COX10: variants seen among roughly 807,000 people sequenced by gnomAD.
The protein encoded by COX10 is protoheme IX farnesyltransferase, mitochondrial.
In COX10, 27 loss-of-function variants were observed where a neutral mutation model predicts 37.3. The observed-to-expected ratio is 0.72, with a 90% CI of 0.53 to 1.00. The LOEUF is 1.00. COX10 is among the 50% of genes least tolerant of loss of function. COX10 has a pLI of 0.00. For missense variants in COX10, 475 were observed against 563.2 expected (o/e 0.84, Z 1.59); for synonymous variants, 222 against 229.1 (o/e 0.97, Z 0.28).
chr17:14,117,176 C>T (rs780493909), intron 4 of COX10, among the ~76,000 whole-genome samples: 4 of 152,088 alleles, frequency 2.6e-5, no homozygotes, highest in Admixed American at 2.0e-4. Flanking sequence ...GCTTTTTTTA[C>T]GTTAAAAACA....
chr17:14,202,594 A>G (rs751114911), intron 6 of COX10, among the ~76,000 whole-genome samples: 25 of 152,162 alleles, frequency 1.6e-4, no homozygotes, highest in Non-Finnish European at 2.8e-4. Flanking sequence ...CGTAAAAGCC[A>G]CAGGCATTTC....
intron 6 of COX10, among the ~76,000 whole-genome samples, chr17:14,197,358 G>C (rs1906397123): frequency 6.6e-6 from 1 of 152,186 alleles, no homozygotes; most frequent in Non-Finnish European, 1.5e-5. Context: ...TGAAGAGATT[G>C]TGATGCCTCC....
Position 14,207,551 on chromosome 17 carries a change from C to G in COX10, c.*338C>G. On this transcript the variant is annotated 3_prime_UTR_variant, in exon 7 of 7. Transcript: ENST00000261643. ...CTTCCTCTTTTGGTTCCATCCTTAC[C>G]ACCACACCACACGCACACTCCACAT... 8.2e-6 allele frequency: 2 copies of G among 245,254 alleles called. No individual in the cohort carries two copies. The highest frequency in any genetic ancestry group is 8.0e-6 in the Non-Finnish European group (1 of 125,468). The allele number at this position is 245,254 out of a possible 1,614,324, so 15.2% of individuals were successfully genotyped here.
intron 5 of COX10, among the ~76,000 whole-genome samples, chr17:14,191,099 T>C (rs1379603674): frequency 6.6e-6 from 1 of 151,988 alleles, no homozygotes; most frequent in Non-Finnish European, 1.5e-5. Context: ...CTTAGGTTTC[T>C]CAAGAAAGAA....
chr17:14,205,767 A>G (rs945626318), intron 6 of COX10, among the ~76,000 whole-genome samples: 1 of 152,034 alleles, frequency 6.6e-6, no homozygotes, highest in Non-Finnish European at 1.5e-5. Flanking sequence ...GGCATTGCCT[A>G]ATTTTTTTTT....
At position 14,118,259 on chromosome 17, in the gene COX10, G is replaced by A. The variant is rs143191176; in HGVS notation, c.624+16017G>A. On this transcript the variant is annotated intron_variant, in intron 4 of 6. Transcript: ENST00000261643. ...CCATGGACACAGGCCTGAGGGTAGA[G>A]CCCTCACCAAGGACCCTGCCCTTCT... is the stretch of plus-strand genomic sequence containing the variant. 1.2e-4 allele frequency among the ~76,000 whole-genome samples: 18 copies of A among 152,092 alleles called. No homozygotes were observed. The East Asian group carries it at 3.5e-3, about 30-fold the overall frequency.
At chr17:14,070,298 C>T (rs1052659910) in intron 1 of COX10, among the ~76,000 whole-genome samples, 26 of 152,228 alleles carry the variant, frequency 1.7e-4, no homozygotes, top group African/African-American at 6.0e-4. Flanking sequence ...AAACTAGGGC[C>T]CCCTACTTCT....
chr17:14,157,570 A>G (rs1905069205), intron 4 of COX10, among the ~76,000 whole-genome samples: 1 of 152,222 alleles, frequency 6.6e-6, no homozygotes, highest in African/African-American at 2.4e-5. Flanking sequence ...TATATCCATT[A>G]AGTGGAATAT....
intron 3 of COX10, among the ~76,000 whole-genome samples, chr17:14,081,384 G>A (rs1259098470): frequency 6.6e-6 from 1 of 152,218 alleles, no homozygotes; most frequent in African/African-American, 2.4e-5. Context: ...GAAATCGAAT[G>A]AGTAGGACCT....
intron 4 of COX10, among the ~76,000 whole-genome samples, chr17:14,142,678 A>G (rs1904582197): frequency 6.6e-6 from 1 of 152,232 alleles, no homozygotes; most frequent in Non-Finnish European, 1.5e-5. Context: ...TGGAATTTCT[A>G]TCTATGTATA....
chr17:14,149,300 T>G (rs1904822515), intron 4 of COX10, among the ~76,000 whole-genome samples: 1 of 152,084 alleles, frequency 6.6e-6, no homozygotes, highest in African/African-American at 2.4e-5. Context: ...GGAATACCCT[T>G]TCTACTCTAG....
At chr17:14,083,648 C>T (rs1915348502) in intron 3 of COX10, among the ~76,000 whole-genome samples, 1 of 152,162 alleles carries the variant, frequency 6.6e-6, no homozygotes, top group Admixed American at 6.5e-5. Flanking sequence ...AGGATATGAG[C>T]CAAACGTTTG....
At chr17:14,072,788 C>T (rs1002225574) in intron 1 of COX10, among the ~76,000 whole-genome samples, 1 of 152,124 alleles carries the variant, frequency 6.6e-6, no homozygotes, top group South Asian at 2.1e-4. Context: ...TTCCCATAGT[C>T]CAGGTGTGCT....
At chr17:14,179,001 A>T (rs899571461) in intron 5 of COX10, among the ~76,000 whole-genome samples, 44 of 152,204 alleles carry the variant, frequency 2.9e-4, no homozygotes, top group African/African-American at 9.6e-4. Context: ...TGTGTATCTA[A>T]AGCTATGATT....
rs556146369 is a variant in COX10 at position 14,144,342 on chromosome 17, T to G, written c.625-15535T>G. ...GAGAATGGATTCCAGGGTCATACTG[T>G]TGTCACATTATTTTCTCCTTGTTAA... On this transcript the variant is annotated intron_variant, in intron 4 of 6. Transcript: ENST00000261643. Among the ~76,000 whole-genome samples, 170 of 152,292 alleles carry G rather than the reference T, an allele frequency of 1.1e-3. 3 individuals are homozygous for G. The highest frequency in any genetic ancestry group is 3.4e-3 in the Middle Eastern group (1 of 294).
intron 3 of COX10, among the ~76,000 whole-genome samples, chr17:14,092,638 C>T (rs1047579334): frequency 2.6e-5 from 4 of 152,084 alleles, no homozygotes; most frequent in African/African-American, 7.2e-5. Context: ...TGATATGTCT[C>T]TTGAGAAGAC....
intron 3 of COX10, among the ~76,000 whole-genome samples, chr17:14,093,456 A>G (rs548905349): frequency 3.3e-4 from 51 of 152,310 alleles, no homozygotes; most frequent in African/African-American, 1.1e-3. Flanking sequence ...CAAATTCTTG[A>G]TAAAGTTGCT....
In COX10 at chr17:14,207,393, A is replaced by G; in HGVS notation, c.*180A>G. The G allele has an allele frequency of 1.3e-6, 1 of 774,630 alleles. No individual in the cohort carries two copies. Among genetic ancestry groups the G allele is most frequent in the Non-Finnish European group, 2.0e-6 (1 of 507,318 alleles). The allele number at this position is 774,630 out of a possible 1,614,324, so 48.0% of individuals were successfully genotyped here. A position where few individuals can be genotyped will look rare whatever the true frequency, so the allele number is the denominator to read the frequency against. ...ATATTACCCAAAATGCTCCCCAAAT[A>G]AGAAATGCATCAGCTCAGTCAGTGA... On this transcript the variant is annotated 3_prime_UTR_variant, in exon 7 of 7. Coordinates refer to ENST00000261643, the MANE Select transcript of COX10 (RefSeq NM_001303.4).
At chr17:14,187,618 C>G in intron 5 of COX10, among the ~76,000 whole-genome samples, 1 of 152,022 alleles carries the variant, frequency 6.6e-6, no homozygotes, top group Non-Finnish European at 1.5e-5. Context: ...CTAGAATTGC[C>G]AGTTTTCTGA....
Sources: gnomAD v4.1 joint callset for allele counts (sites outside exome capture counted in the v4.1 genomes callset) on GRCh38, gnomAD v4.1.1 for gene constraint, MANE v1.5 for transcripts, NCBI Gene and HGNC (gene_info 2026-07-23, HGNC 2026-07-21) for gene names.